SBNO2: variants seen among roughly 807,000 people sequenced by gnomAD.
SBNO2 encodes the protein strawberry notch homolog 2, also known as protein strawberry notch homolog 2.
In SBNO2, 89 loss-of-function variants were observed where a neutral mutation model predicts 146.3. The observed-to-expected ratio is 0.61, with a 90% CI of 0.51 to 0.73. The LOEUF (loss-of-function observed/expected upper bound fraction) is 0.73, where lower values mean the gene tolerates loss of function less well. Among genes scored for constraint, SBNO2 ranks in the 30% least tolerant of loss-of-function variants. The probability of loss-of-function intolerance (pLI) is 0.00; values close to 1 mark genes in which losing one functional copy is unlikely to be tolerated. For synonymous variants in SBNO2, 1,147 were observed against 892.6 expected, an observed-to-expected ratio of 1.29 and a Z score of -5.08; for missense variants, 2,092 against 2,003.7, an observed-to-expected ratio of 1.04 and a Z score of -0.84.
intron 1 of SBNO2, among the ~76,000 whole-genome samples, chr19:1,171,574 G>A (rs2080478026): frequency 6.6e-6 from 1 of 152,174 alleles, no homozygotes; most frequent in African/African-American, 2.4e-5. Context: ...GGGCCTCTGG[G>A]AGCCGGACTG....
chr19:1,152,062 C>T (rs2145310227), intron 2 of SBNO2, among the ~76,000 whole-genome samples: 1 of 152,348 alleles, frequency 6.6e-6, no homozygotes, highest in South Asian at 2.1e-4. Flanking sequence ...CCATGACGTA[C>T]CCGAATGTGA....
At chr19:1,143,476 A>C (rs2080158888) in intron 4 of SBNO2, among the ~76,000 whole-genome samples, 1 of 152,138 alleles carries the variant, frequency 6.6e-6, no homozygotes, top group South Asian at 2.1e-4. Context: ...TGTCTCTAAA[A>C]ATAAAAATTA....
chr19:1,146,126 C>A (rs142181252), intron 4 of SBNO2, among the ~76,000 whole-genome samples: 2,005 of 152,308 alleles, frequency 0.013, 29 homozygotes, highest in Non-Finnish European at 0.022. Flanking sequence ...TTCTGAGGAC[C>A]CTTGTGCTGG....
Position 1,109,350 on chromosome 19 carries a change from T to G in SBNO2, c.3290A>C (p.Asn1097Thr), listed in dbSNP as rs1029929911. 6.3e-7 allele frequency: 1 copy of G among 1,593,524 alleles called. No homozygotes were observed. The change falls in exon 29 of 32, where the codon AAC (asparagine) becomes ACC (threonine). Residue 1097 changes from asparagine (N) to threonine (T), a missense_variant. Physicochemically the swap from Asn to Thr is moderately conservative, Grantham distance 65. Coordinates refer to ENST00000361757, the MANE Select transcript of SBNO2 (RefSeq NM_014963.3). This position sits in a 1 kb window ranked among gnomAD's most constrained non-coding sequence, Gnocchi z 4.2. Reference protein sequence around the residue: ...RGQFFTVYKPNIGRQSQLEAL... With the variant: ...RGQFFTVYKPTIGRQSQLEAL... ...CTCCAGCTGGCTCTGCCGGCCGATG[T>G]TGGGCTTGTACACCGTGAAGAACTG...
At position 1,112,177 on chromosome 19, in the gene SBNO2, C is replaced by T. The variant is rs1330432625; in HGVS notation, c.2628+12G>A. 3.8e-6 allele frequency: 6 copies of T among 1,583,472 alleles called. No homozygotes were observed. The highest frequency in any genetic ancestry group is 1.3e-5 in the African/African-American group (1 of 74,432). On this transcript the variant is annotated intron_variant, in intron 22 of 31. Coordinates refer to ENST00000361757, the MANE Select transcript of SBNO2 (RefSeq NM_014963.3). This position sits in a 1 kb window ranked among gnomAD's most constrained non-coding sequence, Gnocchi z 5.9. ...CTGTCCCTGGTTCTCAGCCCCACCC[C>T]CACCTGCTCACCAGACTCTCCAGGC...
chr19:1,152,927 C>T (rs1034564394), intron 2 of SBNO2, among the ~76,000 whole-genome samples: 10 of 152,064 alleles, frequency 6.6e-5, no homozygotes, highest in Non-Finnish European at 1.3e-4. Flanking sequence ...TCAAGGCAGG[C>T]GGGTCAACTG....
chr19:1,125,466 T>C (rs1599843432), intron 5 of SBNO2, among the ~76,000 whole-genome samples: 1 of 145,340 alleles, frequency 6.9e-6, no homozygotes, highest in Non-Finnish European at 1.5e-5. Context: ...AGGTTGGGAG[T>C]TCAAGACCAG....
Position 1,108,246 on chromosome 19 carries a change from A to C in SBNO2, c.4075T>G (p.Phe1359Val). The C allele has an allele frequency of 6.6e-7, 1 of 1,525,884 alleles. No homozygotes were observed. The highest frequency in any genetic ancestry group is 8.8e-7 in the Non-Finnish European group (1 of 1,134,598). 94.5% of individuals were successfully genotyped at this position (1,525,884 alleles called of 1,614,324 possible). Reference protein sequence around the residue: ...RQSVIQFSPPFPGAQAPL With the variant: ...RQSVIQFSPPVPGAQAPL ...CAGAGAGGAGCCTGGGCGCCGGGGA[A>C]GGGTGGGCTGAACTGGATCACGCTC... is the stretch of plus-strand genomic sequence containing the variant. The change falls in exon 32 of 32, where the codon TTC becomes GTC. Residue 1359 changes from phenylalanine to valine, a missense_variant. Transcript: ENST00000361757.
rs1039350083 is a variant in SBNO2 at position 1,144,673 on chromosome 19, C to T, written c.279+2636G>A. 3.8e-5 allele frequency among the ~76,000 whole-genome samples: 5 copies of T among 131,698 alleles called. No individual in the cohort carries two copies. Among genetic ancestry groups the T allele is most frequent in the Admixed American group, 3.0e-4 (4 of 13,492 alleles). The allele number at this position is 131,698 out of a possible 152,430, so 86.4% of individuals were successfully genotyped here. On this transcript the variant is annotated intron_variant, in intron 4 of 31. Coordinates refer to ENST00000361757, the MANE Select transcript of SBNO2 (RefSeq NM_014963.3). The surrounding 1 kb of genome is among the most constrained non-coding windows in gnomAD (Gnocchi z 4.1). ...AGACAGAGGCAGAGAGGGAAACAGACGAAGACAGAGAGGGCGACAGAGACA... is the reference window on the plus strand; with the variant it reads ...AGACAGAGGCAGAGAGGGAAACAGATGAAGACAGAGAGGGCGACAGAGACA...
At position 1,144,265 on chromosome 19, in the gene SBNO2, G is replaced by A. The variant is rs557668278; in HGVS notation, c.279+3044C>T. 6.6e-6 allele frequency among the ~76,000 whole-genome samples: 1 copy of A among 152,194 alleles called. No individual in the cohort carries two copies. The highest frequency in any genetic ancestry group is 2.1e-4 in the South Asian group (1 of 4,826). The stretch of plus-strand genomic sequence containing the variant: ...GTCCCATCCCACACTCAGCACTGGG[G>A]GACCACGCGGCCCGGCCCACACTTG... On this transcript the variant is annotated intron_variant, in intron 4 of 31. Coordinates refer to ENST00000361757, the MANE Select transcript of SBNO2 (RefSeq NM_014963.3). The surrounding 1 kb of genome is among the most constrained non-coding windows in gnomAD (Gnocchi z 4.1).
At chr19:1,117,061 C>T (rs929160184) in intron 15 of SBNO2, 135 bp from the exon 16 acceptor site, 12 of 875,840 alleles carry the variant, frequency 1.4e-5, no homozygotes, top group Non-Finnish European at 1.7e-5. Context: ...GGGGCCACGG[C>T]CCCCCTACAA....
At chr19:1,167,630 A>T (rs2080438159) in intron 1 of SBNO2, among the ~76,000 whole-genome samples, 1 of 152,100 alleles carries the variant, frequency 6.6e-6, no homozygotes, top group Admixed American at 6.5e-5. Context: ...GCATGAGGAC[A>T]TTTGTGACGA....
chr19:1,113,367 C>G (rs1255969472), intron 19 of SBNO2, among the ~76,000 whole-genome samples, 168 bp downstream of exon 19: 1 of 152,174 alleles, frequency 6.6e-6, no homozygotes, highest in African/African-American at 2.4e-5. Context: ...CCGGGCCGAG[C>G]TGGACAGCAC....
Position 1,108,976 on chromosome 19 carries a change from A to ACCGT in SBNO2, c.3426-8_3426-7insACGG. 6.6e-7 allele frequency: 1 copy of ACCGT among 1,517,986 alleles called. No individual in the cohort carries two copies. Among genetic ancestry groups the ACCGT allele is most frequent in the Non-Finnish European group, 8.8e-7 (1 of 1,137,542 alleles). The allele number at this position is 1,517,986 out of a possible 1,614,324, so 94.0% of individuals were successfully genotyped here. ...CAGCCGGCAGTGCCGGTTCCTGCGG[A>ACCGT]CGAGACGGGTCGTCTCGGCTCAGGC... On this transcript the variant is annotated splice_region_variant and splice_polypyrimidine_tract_variant and intron_variant, in intron 30 of 31. Transcript: ENST00000361757.
In SBNO2 at chr19:1,150,232, T is replaced by C. The variant is rs766900636; in HGVS notation, c.94-790A>G. Among the ~76,000 whole-genome samples the C allele has an allele frequency of 7.2e-5, 11 of 152,078 alleles. No individual in the cohort carries two copies. Among genetic ancestry groups the C allele is most frequent in the Non-Finnish European group, 1.6e-4 (11 of 67,994 alleles). ...CCTGCCCTTGGGAATGAGAGCGGCT[T>C]GAGGCACACGGCAGGCCCCAAAACC... On this transcript the variant is annotated intron_variant, in intron 2 of 31. Transcript: ENST00000361757. This position sits in a 1 kb window ranked among gnomAD's most constrained non-coding sequence, Gnocchi z 6.2.
intron 4 of SBNO2, among the ~76,000 whole-genome samples, chr19:1,132,770 G>A (rs2080045849): frequency 1.3e-5 from 2 of 152,150 alleles, no homozygotes; most frequent in Admixed American, 6.5e-5. Flanking sequence ...CCGTGCCCAG[G>A]GGGTTCAGCG....
At chr19:1,171,131 G>A (rs906503324) in intron 1 of SBNO2, among the ~76,000 whole-genome samples, 2 of 150,652 alleles carry the variant, frequency 1.3e-5, no homozygotes, top group Admixed American at 6.6e-5. Flanking sequence ...GCACAGACAC[G>A]CACACAATGT....
At chr19:1,131,766 C>T (rs1242541105) in intron 4 of SBNO2, among the ~76,000 whole-genome samples, 1 of 152,236 alleles carries the variant, frequency 6.6e-6, no homozygotes, top group African/African-American at 2.4e-5. Context: ...CTCCCGACAG[C>T]CACTGCCACT....
At chr19:1,121,215 A>G (rs924298103) in intron 11 of SBNO2, among the ~76,000 whole-genome samples, 1 of 152,240 alleles carries the variant, frequency 6.6e-6, no homozygotes, top group Non-Finnish European at 1.5e-5. Context: ...AAGACGAAAG[A>G]AAGCCAAGTT....
Sources: allele counts gnomAD v4.1 joint callset (sites outside exome capture counted in the v4.1 genomes callset), GRCh38; gene constraint gnomAD v4.1.1; non-coding constraint Gnocchi (gnomAD v3.1); transcripts MANE v1.5; gene names NCBI Gene and HGNC (gene_info 2026-07-23, HGNC 2026-07-21).